PIK3R3: variants seen among roughly 807,000 people sequenced by gnomAD.
PIK3R3 encodes phosphoinositide-3-kinase regulatory subunit 3, also known as phosphatidylinositol 3-kinase regulatory subunit gamma.
PIK3R3 carries 64 observed loss-of-function variants against 62.9 expected under a neutral mutation model. The ratio of observed to expected loss-of-function variants is 1.02; its 90% CI spans 0.83 to 1.25. PIK3R3 has a LOEUF of 1.25. PIK3R3 is among the 50% of genes most tolerant of loss of function. The pLI is 0.00. For synonymous variants in PIK3R3, 165 were observed against 189.0 expected (o/e 0.87, Z 1.04); for missense variants, 614 against 561.6 (o/e 1.09, Z -0.94).
chr1:46,078,107 T>A (rs1405132638), intron 2 of PIK3R3, among the ~76,000 whole-genome samples: 1 of 152,160 alleles, frequency 6.6e-6, no homozygotes, highest in Non-Finnish European at 1.5e-5. Context: ...TTTAGGACTT[T>A]AAGGCACAAC....
intron 1 of PIK3R3, among the ~76,000 whole-genome samples, chr1:46,098,564 A>C (rs1400083975): frequency 6.6e-6 from 1 of 152,264 alleles, no homozygotes; most frequent in Non-Finnish European, 1.5e-5. Flanking sequence ...TGAAAACATT[A>C]TGCTAAGTGA....
At chr1:46,091,494 A>ACT (rs1312341810) in intron 1 of PIK3R3, among the ~76,000 whole-genome samples, 1 of 151,532 alleles carries the variant, frequency 6.6e-6, no homozygotes, top group Non-Finnish European at 1.5e-5. Flanking sequence ...ACACACACAC[A>ACT]CACACAGAGA....
At position 46,062,073 on chromosome 1, in the gene PIK3R3, T is replaced by C; in HGVS notation, c.622-2A>G. 1 of 1,587,386 alleles carries C rather than the reference T, an allele frequency of 6.3e-7. No individual in the cohort carries two copies. The highest frequency in any genetic ancestry group is 8.5e-7 in the Non-Finnish European group (1 of 1,173,048). ...TGCAGTCCTCTTCATCTGTATTTCC[T>C]ACAGGAGAGAAAAAGAAAAAACACA... On this transcript the variant is annotated splice_acceptor_variant, in intron 5 of 9. Coordinates refer to ENST00000262741, the MANE Select transcript of PIK3R3 (RefSeq NM_003629.4). LOFTEE classifies it high-confidence loss of function.
chr1:46,102,142 C>T lies in PIK3R3; in HGVS notation c.107-21392G>A, dbSNP rs528786606. On this transcript the variant is annotated intron_variant, in intron 1 of 9. Coordinates refer to ENST00000262741, the MANE Select transcript of PIK3R3 (RefSeq NM_003629.4). ...CTGGGACTACAGGCGCCCACCACCT[C>T]GCCCGGCTAATTTTTTGTATTTTTA... Among the ~76,000 whole-genome samples the T allele has an allele frequency of 7.2e-5, 11 of 151,896 alleles. No individual in the cohort carries two copies. In the South Asian group the frequency reaches 2.3e-3, roughly 32 times the overall value.
chr1:46,062,112 T>G (rs768338882), intron 5 of PIK3R3, 41 bp from the exon 6 acceptor site: 2 of 1,547,564 alleles, frequency 1.3e-6, no homozygotes, highest in Admixed American at 4.3e-5. Context: ...TTCATTATCT[T>G]TATTATTTTC....
At chr1:46,117,794 GC>G (rs1654317254) in intron 1 of PIK3R3, among the ~76,000 whole-genome samples, 2 of 151,608 alleles carry the variant, frequency 1.3e-5, no homozygotes, top group Admixed American at 6.6e-5. Context: ...AATAGGTCAG[GC>G]ATAATGGCTC....
the PIK3R3 span, among the ~76,000 whole-genome samples, chr1:46,150,521 G>A: frequency 6.6e-6 from 1 of 152,148 alleles, no homozygotes; most frequent in African/African-American, 2.4e-5. Flanking sequence ...TGGGTTTCCC[G>A]TACTTTAACT....
At chr1:46,092,891 C>G (rs1157523042) in intron 1 of PIK3R3, among the ~76,000 whole-genome samples, 1 of 152,118 alleles carries the variant, frequency 6.6e-6, no homozygotes, top group Non-Finnish European at 1.5e-5. Flanking sequence ...TCTGGCAAGA[C>G]CCCGACTATA....
chr1:46,069,201 T>G (rs539355555), intron 3 of PIK3R3, among the ~76,000 whole-genome samples: 92 of 152,356 alleles, frequency 6.0e-4, no homozygotes, highest in Non-Finnish European at 1.3e-3. Flanking sequence ...TTGTCATTTA[T>G]TGACATGAAG....
At chr1:46,151,231 T>C in the PIK3R3 span, among the ~76,000 whole-genome samples, 4 of 152,146 alleles carry the variant, frequency 2.6e-5, no homozygotes, top group African/African-American at 9.7e-5. Flanking sequence ...ACAAGTCCTA[T>C]AGGAAACTCA....
chr1:46,059,694 T>C (rs6660996), intron 6 of PIK3R3, among the ~76,000 whole-genome samples: 5,058 of 152,244 alleles, frequency 0.033, 282 homozygotes, highest in African/African-American at 0.12. Context: ...CTCGGGAGGC[T>C]GAGGCAAGTG....
In PIK3R3 at chr1:46,040,604, C is replaced by G. The variant is rs568441076; in HGVS notation, c.*3069G>C. The G allele has an allele frequency of 1.8e-5, 4 of 223,280 alleles. No individual in the cohort carries two copies. The highest frequency in any genetic ancestry group is 1.1e-4 in the Admixed American group (2 of 17,438). The allele number at this position is 223,280 out of a possible 1,614,324, so 13.8% of individuals were successfully genotyped here. A position where few individuals can be genotyped will look rare whatever the true frequency, so the allele number is the denominator to read the frequency against. ...CTGGTTTCTGAGGCCACTGAAGCCTCACAGAGGCCTACTCTGGGTTGTTAA... is the reference window on the plus strand; with the variant it reads ...CTGGTTTCTGAGGCCACTGAAGCCTGACAGAGGCCTACTCTGGGTTGTTAA... On this transcript the variant is annotated 3_prime_UTR_variant, in exon 10 of 10. Transcript: ENST00000262741.
Position 46,132,433 on chromosome 1 carries a change from G to A in PIK3R3, c.-481C>T. The stretch of plus-strand genomic sequence containing the variant: ...GCTGGAGATTGCGTTCAAGTTTCGG[G>A]GTCCCACTGGTCTGCAGAGAGCGAA... On this transcript the variant is annotated 5_prime_UTR_variant, in exon 1 of 10. Transcript: ENST00000262741. 8 of 1,148,398 alleles carry A rather than the reference G, an allele frequency of 7.0e-6. No individual in the cohort carries two copies. The South Asian group carries it at 1.3e-4, about 19-fold the overall frequency. 71.1% of individuals were successfully genotyped at this position (1,148,398 alleles called of 1,614,324 possible). A position where few individuals can be genotyped will look rare whatever the true frequency, so the allele number is the denominator to read the frequency against.
intron 6 of PIK3R3, chr1:46,057,553 T>C (rs537892557): frequency 1.3e-5 from 2 of 152,488 alleles, no homozygotes; most frequent in South Asian, 4.1e-4. Flanking sequence ...GATAGTCATA[T>C]GGACAATAAG....
chr1:46,134,249 T>C (rs1432178236), upstream of PIK3R3, among the ~76,000 whole-genome samples: 3 of 152,190 alleles, frequency 2.0e-5, no homozygotes, highest in Admixed American at 2.0e-4. Context: ...GATTCGCCTA[T>C]GGAAGAGTTG....
chr1:46,045,186 A>G (rs1165339508), intron 9 of PIK3R3, among the ~76,000 whole-genome samples: 1 of 152,238 alleles, frequency 6.6e-6, no homozygotes, highest in Admixed American at 6.5e-5. Flanking sequence ...AGATAAGGAA[A>G]CTGGGCAAAG....
intron 1 of PIK3R3, among the ~76,000 whole-genome samples, chr1:46,089,895 A>G (rs1651452103): frequency 6.6e-6 from 1 of 151,932 alleles, no homozygotes; most frequent in Admixed American, 6.6e-5. Context: ...GTAAATCACT[A>G]TCTTCCTTAG....
intron 1 of PIK3R3, among the ~76,000 whole-genome samples, chr1:46,088,208 G>C (rs762174143): frequency 7.9e-5 from 12 of 152,114 alleles, no homozygotes; most frequent in Non-Finnish European, 1.5e-4. Context: ...AACAGAGCAA[G>C]ATCCCATCTC....
intron 9 of PIK3R3, among the ~76,000 whole-genome samples, chr1:46,045,644 T>TTTTTTTTTTTTCTTTTTTC (rs370501368): frequency 1.2e-5 from 1 of 82,596 alleles, no homozygotes; most frequent in African/African-American, 4.7e-5. Flanking sequence ...TTTTTTTTTT[T>TTTTTTTTTTTTCTTTTTTC]CAATTTAAGA....
Sources: gnomAD v4.1 joint callset for allele counts (sites outside exome capture counted in the v4.1 genomes callset) on GRCh38, gnomAD v4.1.1 for gene constraint, MANE v1.5 for transcripts, NCBI Gene and HGNC (gene_info 2026-07-23, HGNC 2026-07-21) for gene names.